The following TANC2 variants were observed in gnomAD, a reference collection of about 807,000 sequenced individuals.
The protein encoded by TANC2 is tetratricopeptide repeat, ankyrin repeat and coiled-coil containing 2.
A neutral mutation model predicts 210.5 loss-of-function variants in TANC2; 26 were observed. The observed-to-expected ratio is 0.12, with a 90% CI of 0.09 to 0.17. TANC2 has a LOEUF of 0.17. Among genes scored for constraint, TANC2 ranks in the 10% least tolerant of loss-of-function variants. TANC2 has a pLI of 1.00. For missense variants in TANC2, 2,129 were observed against 2,608.9 expected (o/e 0.82, Z 4.01); for synonymous variants, 931 against 967.1 (o/e 0.96, Z 0.69).
At chr17:63,239,714 A>G (rs1001338520) in intron 8 of TANC2, among the ~76,000 whole-genome samples, 5 of 152,186 alleles carry the variant, frequency 3.3e-5, no homozygotes, top group Non-Finnish European at 5.9e-5. Flanking sequence ...CTGTTGTTTT[A>G]GTCTATTCTT....
At chr17:63,155,880 G>C in intron 5 of TANC2, among the ~76,000 whole-genome samples, 1 of 152,004 alleles carries the variant, frequency 6.6e-6, no homozygotes, top group Non-Finnish European at 1.5e-5. Flanking sequence ...ACATTCTATA[G>C]CATAAGCACA....
At chr17:63,080,800 C>G (rs2036744461) in intron 3 of TANC2, among the ~76,000 whole-genome samples, 1 of 151,932 alleles carries the variant, frequency 6.6e-6, no homozygotes, top group Admixed American at 6.6e-5. Context: ...TTCTTTATCT[C>G]AGTATAAGAA....
intron 1 of TANC2, among the ~76,000 whole-genome samples, chr17:63,000,949 A>T (rs2033344300): frequency 6.9e-6 from 1 of 145,368 alleles, no homozygotes. Context: ...TGAAGTAATT[A>T]AAAAAGTTTT....
intron 9 of TANC2, among the ~76,000 whole-genome samples, chr17:63,314,032 C>T (rs2080619154): frequency 6.6e-6 from 1 of 152,182 alleles, no homozygotes; most frequent in Non-Finnish European, 1.5e-5. Context: ...CGTGGCGTAG[C>T]AGGAGGCCTT....
At chr17:63,229,822 T>A (rs1441101448) in intron 7 of TANC2, among the ~76,000 whole-genome samples, 1 of 148,482 alleles carries the variant, frequency 6.7e-6, no homozygotes, top group Non-Finnish European at 1.5e-5. Context: ...CAGGCTGGAG[T>A]GTATTGGTGT....
intron 12 of TANC2, 75 bp from the exon 13 acceptor site, chr17:63,351,175 A>G (rs749040537): frequency 3.5e-5 from 45 of 1,298,710 alleles, no homozygotes; most frequent in Non-Finnish European, 4.8e-5. Flanking sequence ...CCAAAGAAAT[A>G]TGTGATCAAA....
chr17:63,358,376 A>AGTGTGTGTGTGTGTGTGT (rs1555641221), intron 14 of TANC2, among the ~76,000 whole-genome samples: 1 of 80,942 alleles, frequency 1.2e-5, no homozygotes, highest in Non-Finnish European at 3.0e-5. Context: ...AGAGAGAGAG[A>AGTGTGTGTGTGTGTGTGT]GTATGTGTGT....
intron 26 of TANC2, among the ~76,000 whole-genome samples, chr17:63,416,821 C>T (rs1431100581): frequency 1.3e-5 from 2 of 152,114 alleles, no homozygotes; most frequent in Non-Finnish European, 2.9e-5. Context: ...GTGGAAGAGG[C>T]CCCCCAACCC....
intron 3 of TANC2, chr17:63,088,517 A>C (rs1302878836): frequency 6.6e-6 from 1 of 152,206 alleles, no homozygotes; most frequent in Non-Finnish European, 1.5e-5. Flanking sequence ...GTGTATAGCC[A>C]TTGTAAGGTG....
intron 12 of TANC2, among the ~76,000 whole-genome samples, chr17:63,349,033 C>G (rs558038716): frequency 7.2e-5 from 11 of 152,040 alleles, no homozygotes; most frequent in Middle Eastern, 3.4e-3. Flanking sequence ...TAAATATGCC[C>G]TCCTTACTTC....
chr17:63,309,970 GAA>G (rs11308887), intron 9 of TANC2, among the ~76,000 whole-genome samples: 4,236 of 150,592 alleles, frequency 0.028, 74 homozygotes, highest in South Asian at 0.04. Flanking sequence ...CCCTTTGGGG[GAA>G]AAAAAAAAGT....
At chr17:63,196,008 T>C (rs2041334335) in intron 6 of TANC2, among the ~76,000 whole-genome samples, 1 of 152,196 alleles carries the variant, frequency 6.6e-6, no homozygotes, top group Non-Finnish European at 1.5e-5. Context: ...TCCTCACTTA[T>C]TCAGTGTTCT....
chr17:63,183,135 T>C (rs1262207377), intron 5 of TANC2, among the ~76,000 whole-genome samples: 1 of 152,208 alleles, frequency 6.6e-6, no homozygotes, highest in East Asian at 1.9e-4. Flanking sequence ...TTAAATATAC[T>C]CTTAGTTGAA....
At chr17:63,288,588 G>A (rs548615179) in intron 9 of TANC2, among the ~76,000 whole-genome samples, 1 of 152,240 alleles carries the variant, frequency 6.6e-6, no homozygotes, top group South Asian at 2.1e-4. Context: ...TTTTCTGCCT[G>A]TTGGATCTGT....
intron 3 of TANC2, among the ~76,000 whole-genome samples, chr17:63,078,251 T>C (rs142516192): frequency 0.014 from 2,067 of 152,272 alleles, 24 homozygotes; most frequent in Middle Eastern, 0.024. Context: ...AATATCTGCA[T>C]AATCTGTAGT....
chr17:63,352,887 C>G (rs2046659046), intron 13 of TANC2, among the ~76,000 whole-genome samples: 1 of 152,014 alleles, frequency 6.6e-6, no homozygotes, highest in African/African-American at 2.4e-5. Flanking sequence ...TCCCATCCTC[C>G]TAAAGCTTAT....
At chr17:63,055,979 AAAAAAAAAAAAATATATAT>A (rs1274885926) in intron 2 of TANC2, among the ~76,000 whole-genome samples, 219 of 42,092 alleles carry the variant, frequency 5.2e-3, no homozygotes, top group Non-Finnish European at 6.4e-3. Flanking sequence ...AAAAAAAAAA[AAAAAAAAAAAAATATATAT>A]ATATATATAT....
chr17:63,095,623 G>A (rs1391602771), intron 3 of TANC2, among the ~76,000 whole-genome samples: 1 of 152,062 alleles, frequency 6.6e-6, no homozygotes, highest in South Asian at 2.1e-4. Flanking sequence ...CCTGACCATA[G>A]TACTGGTATC....
chr17:63,133,559 C>T (rs1353431238), intron 4 of TANC2, among the ~76,000 whole-genome samples: 1 of 152,132 alleles, frequency 6.6e-6, no homozygotes, highest in African/African-American at 2.4e-5. Flanking sequence ...ATGGAGAACT[C>T]AATTTGGAAT....
Sources: allele counts gnomAD v4.1 joint callset (sites outside exome capture counted in the v4.1 genomes callset), GRCh38; gene constraint gnomAD v4.1.1; transcripts MANE v1.5; gene names NCBI Gene and HGNC (gene_info 2026-07-23, HGNC 2026-07-21).